SOX5: variants seen among roughly 807,000 people sequenced by gnomAD.
The protein encoded by SOX5 is transcription factor SOX-5.
Under a neutral mutation model 92.0 loss-of-function variants are expected in SOX5, and 9 were observed. The ratio of observed to expected loss-of-function variants is 0.10; its 90% CI spans 0.06 to 0.17. The LOEUF is 0.17. Among genes scored for constraint, SOX5 ranks in the 10% least tolerant of loss-of-function variants. SOX5 has a pLI of 1.00. For synonymous variants in SOX5, 344 were observed against 336.3 expected, an observed-to-expected ratio of 1.02 and a Z score of -0.25; for missense variants, 642 against 944.5, an observed-to-expected ratio of 0.68 and a Z score of 4.20.
chr12:23,843,429 G>C (rs78166823), intron 3 of SOX5, among the ~76,000 whole-genome samples: 2,723 of 151,742 alleles, frequency 0.018, 88 homozygotes, highest in African/African-American at 0.063. Context: ...GAATACATGG[G>C]AACTCTGTAC....
intron 2 of SOX5, among the ~76,000 whole-genome samples, chr12:24,285,203 T>C (rs1457529069): frequency 1.3e-5 from 2 of 152,082 alleles, no homozygotes; most frequent in African/African-American, 4.8e-5. Flanking sequence ...AGCATACAGA[T>C]TGCTAATTTT....
intron 4 of SOX5, among the ~76,000 whole-genome samples, chr12:24,000,599 C>G (rs763368173): frequency 6.6e-6 from 1 of 151,936 alleles, no homozygotes; most frequent in Non-Finnish European, 1.5e-5. Context: ...TAAAATAAGA[C>G]TAGACAATAT....
intron 1 of SOX5, among the ~76,000 whole-genome samples, chr12:24,424,444 T>G (rs920902498): frequency 2.0e-5 from 3 of 152,178 alleles, no homozygotes; most frequent in Admixed American, 2.0e-4. Flanking sequence ...AACCTTGCCA[T>G]AATTGTTAGT....
intron 4 of SOX5, among the ~76,000 whole-genome samples, chr12:24,126,564 A>C (rs1198712136): frequency 6.6e-6 from 1 of 152,184 alleles, no homozygotes; most frequent in African/African-American, 2.4e-5. Context: ...CGGCATCTCC[A>C]CCACCTCCAT....
At chr12:24,384,239 C>G (rs1182198779) in intron 1 of SOX5, among the ~76,000 whole-genome samples, 2 of 152,192 alleles carry the variant, frequency 1.3e-5, no homozygotes, top group Non-Finnish European at 2.9e-5. Context: ...AGATCCCTCG[C>G]ATGCACAGTT....
intron 3 of SOX5, among the ~76,000 whole-genome samples, chr12:23,802,253 T>C (rs1422471152): frequency 6.6e-6 from 1 of 151,886 alleles, no homozygotes; most frequent in African/African-American, 2.4e-5. Context: ...TTTTTTTTTG[T>C]GTATTTTTAG....
chr12:23,883,084 G>C (rs1016647986), intron 2 of SOX5, among the ~76,000 whole-genome samples: 4 of 151,758 alleles, frequency 2.6e-5, no homozygotes, highest in African/African-American at 9.7e-5. Flanking sequence ...AGGAGGCTGC[G>C]GCAGGAGAAT....
chr12:23,959,055 T>C (rs1216307930), intron 4 of SOX5, among the ~76,000 whole-genome samples: 1 of 151,854 alleles, frequency 6.6e-6, no homozygotes, highest in East Asian at 1.9e-4. Context: ...CATACCAAGT[T>C]CCTCAATAGG....
intron 4 of SOX5, among the ~76,000 whole-genome samples, chr12:24,101,667 T>G (rs1946109809): frequency 6.6e-6 from 1 of 152,144 alleles, no homozygotes; most frequent in African/African-American, 2.4e-5. Flanking sequence ...CCTCTGTCAT[T>G]CAAAATTAAT....
At chr12:23,815,392 C>G (rs1261679508) in intron 3 of SOX5, among the ~76,000 whole-genome samples, 1 of 152,014 alleles carries the variant, frequency 6.6e-6, no homozygotes, top group Admixed American at 6.6e-5. Flanking sequence ...TCCGATGTAC[C>G]AACAACAACC....
At chr12:23,534,573 G>T in intron 14 of SOX5, 51 bp from the exon 15 acceptor site, 1 of 1,428,158 alleles carries the variant, frequency 7.0e-7, no homozygotes, top group Non-Finnish European at 9.6e-7. Context: ...TGAATAGTTA[G>T]ATGTGGACTT....
At chr12:23,700,905 G>GTA (rs945399801) in intron 6 of SOX5, among the ~76,000 whole-genome samples, 3 of 151,278 alleles carry the variant, frequency 2.0e-5, no homozygotes, top group Admixed American at 1.3e-4. Context: ...AGAAATATAT[G>GTA]TATGTGTATA....
intron 2 of SOX5, among the ~76,000 whole-genome samples, chr12:23,880,029 G>C (rs1470915186): frequency 6.6e-6 from 1 of 152,122 alleles, no homozygotes; most frequent in East Asian, 1.9e-4. Context: ...TCAGTTGCCA[G>C]ATATATAGCC....
At chr12:23,850,786 C>G (rs1362635477) in intron 2 of SOX5, among the ~76,000 whole-genome samples, 3 of 152,098 alleles carry the variant, frequency 2.0e-5, no homozygotes, top group Non-Finnish European at 4.4e-5. Flanking sequence ...TTGGGACTAC[C>G]GATCCCTTGA....
At chr12:24,483,650 G>A (rs1013573069) in intron 1 of SOX5, among the ~76,000 whole-genome samples, 7 of 152,212 alleles carry the variant, frequency 4.6e-5, no homozygotes, top group Non-Finnish European at 1.0e-4. Context: ...TATGATGGTG[G>A]TAAGCTTATG....
At chr12:24,292,728 C>A (rs1166312085) in intron 2 of SOX5, among the ~76,000 whole-genome samples, 1 of 152,188 alleles carries the variant, frequency 6.6e-6, no homozygotes, top group Non-Finnish European at 1.5e-5. Context: ...TTGGCAAGGC[C>A]ATGTAATATT....
At chr12:24,151,790 T>C (rs1951680974) in intron 4 of SOX5, among the ~76,000 whole-genome samples, 1 of 152,078 alleles carries the variant, frequency 6.6e-6, no homozygotes, top group African/African-American at 2.4e-5. Context: ...TAATTAGGAC[T>C]GCAGAAAACC....
At chr12:24,029,695 G>T (rs1032677377) in intron 4 of SOX5, among the ~76,000 whole-genome samples, 10 of 151,906 alleles carry the variant, frequency 6.6e-5, no homozygotes, top group Non-Finnish European at 1.2e-4. Context: ...GTTGATCATT[G>T]CCTTCTTATT....
At chr12:23,851,532 C>T in intron 2 of SOX5, among the ~76,000 whole-genome samples, 1 of 151,720 alleles carries the variant, frequency 6.6e-6, no homozygotes, top group East Asian at 1.9e-4. Flanking sequence ...TCCCAATACC[C>T]ACAGAATACA....
Sources: allele counts gnomAD v4.1 joint callset (sites outside exome capture counted in the v4.1 genomes callset), GRCh38; gene constraint gnomAD v4.1.1; transcripts MANE v1.5; gene names NCBI Gene and HGNC (gene_info 2026-07-23, HGNC 2026-07-21).